PDE3B: variants seen among roughly 807,000 people sequenced by gnomAD.
The protein encoded by PDE3B is cGMP-inhibited 3',5'-cyclic phosphodiesterase 3B.
A neutral mutation model predicts 116.8 loss-of-function variants in PDE3B; 66 were observed. The observed-to-expected ratio is 0.56, with a 90% CI of 0.46 to 0.69. The LOEUF is 0.69. Ranked by LOEUF, PDE3B falls within the 30% of genes least tolerant of loss-of-function variation. The pLI, the probability that PDE3B is intolerant of heterozygous loss-of-function variation, is 0.00. For synonymous variants in PDE3B, 595 were observed against 533.6 expected (o/e 1.12, Z -1.59); for missense variants, 1,384 against 1,368.1 (o/e 1.01, Z -0.18).
intron 15 of PDE3B, among the ~76,000 whole-genome samples, chr11:14,868,271 A>C (rs1555008429): frequency 1.3e-5 from 2 of 152,202 alleles, no homozygotes; most frequent in African/African-American, 4.8e-5. Context: ...GGCCATCACC[A>C]CATCTGAACA....
At chr11:14,880,762 A>G in the PDE3B span, 4 of 1,606,636 alleles carry the variant, frequency 2.5e-6, no homozygotes, top group Admixed American at 6.9e-5. Context: ...TCTGGAATTG[A>G]GTAAGCCTGA....
intron 1 of PDE3B, among the ~76,000 whole-genome samples, chr11:14,653,816 T>C (rs1439688076): frequency 2.0e-5 from 3 of 152,008 alleles, no homozygotes; most frequent in African/African-American, 7.3e-5. Context: ...CTGGGCAACA[T>C]GGCAAAACCC....
chr11:14,794,238 G>A (rs1223736543), intron 4 of PDE3B, among the ~76,000 whole-genome samples: 2 of 152,016 alleles, frequency 1.3e-5, no homozygotes, highest in African/African-American at 2.4e-5. Context: ...GCAAGCAAGC[G>A]AGCAAGCAAG....
At chr11:14,826,611 G>A (rs565578532) in intron 7 of PDE3B, among the ~76,000 whole-genome samples, 4 of 151,930 alleles carry the variant, frequency 2.6e-5, no homozygotes, top group South Asian at 2.1e-4. Flanking sequence ...GCTCCAAAAC[G>A]GAATCTGTAA....
chr11:14,800,279 A>G (rs1858709829), intron 4 of PDE3B, among the ~76,000 whole-genome samples: 1 of 152,146 alleles, frequency 6.6e-6, no homozygotes, highest in Admixed American at 6.6e-5. Flanking sequence ...AGCCTGACCA[A>G]CGTGGTGAAA....
the PDE3B span, among the ~76,000 whole-genome samples, chr11:14,883,445 A>G: frequency 7.2e-5 from 11 of 152,332 alleles, no homozygotes; most frequent in East Asian, 2.1e-3. Context: ...AAGATTCCCT[A>G]TTTAATAAAT....
At chr11:14,804,803 G>A (rs1414966090) in intron 5 of PDE3B, among the ~76,000 whole-genome samples, 2 of 151,204 alleles carry the variant, frequency 1.3e-5, no homozygotes, top group Non-Finnish European at 3.0e-5. Flanking sequence ...CAAAATGAAT[G>A]GATACTTCGA....
At chr11:14,751,209 T>C (rs1438334597) in intron 1 of PDE3B, among the ~76,000 whole-genome samples, 1 of 152,192 alleles carries the variant, frequency 6.6e-6, no homozygotes, top group Non-Finnish European at 1.5e-5. Context: ...ATGTCATTTA[T>C]AGTAATATTT....
chr11:14,682,830 C>G (rs1402233225), intron 1 of PDE3B, among the ~76,000 whole-genome samples: 1 of 151,034 alleles, frequency 6.6e-6, no homozygotes, highest in Non-Finnish European at 1.5e-5. Context: ...AATGGTGACT[C>G]TCAAAACGAA....
Position 14,644,685 on chromosome 11 carries a change from GTAGGGCTGC to G in PDE3B, c.612_620del (p.Gly205_Leu207del). 1 of 1,512,794 alleles carries G rather than the reference GTAGGGCTGC, an allele frequency of 6.6e-7. No homozygotes were observed. The highest frequency in any genetic ancestry group is 8.8e-7 in the Non-Finnish European group (1 of 1,133,238). The allele number at this position is 1,512,794 out of a possible 1,614,324, so 93.7% of individuals were successfully genotyped here. On this transcript the variant is annotated inframe_deletion, in exon 1 of 16. Transcript: ENST00000282096. ...CAGGTTGCTGCTGGTGCTGAGCTGC[GTAGGGCTGC>G]TGCTGACGCTCGCGCACCCGCTGCG...
intron 12 of PDE3B, among the ~76,000 whole-genome samples, chr11:14,847,605 A>T (rs961655092): frequency 6.6e-6 from 1 of 152,092 alleles, no homozygotes; most frequent in African/African-American, 2.4e-5. Context: ...AAGACTAATA[A>T]AGAAAAGAGA....
At chr11:14,794,319 CT>C (rs11333119) in intron 4 of PDE3B, among the ~76,000 whole-genome samples, 87,865 of 136,276 alleles carry the variant, frequency 0.64, 27,909 homozygotes, top group African/African-American at 0.75. Flanking sequence ...TTTTTCTTTT[CT>C]TTTTTTTTTT....
intron 1 of PDE3B, among the ~76,000 whole-genome samples, chr11:14,660,135 G>A (rs993352024): frequency 6.6e-6 from 1 of 152,148 alleles, no homozygotes; most frequent in Non-Finnish European, 1.5e-5. Flanking sequence ...GTAACCCTAA[G>A]AGCCATTCTG....
intron 5 of PDE3B, among the ~76,000 whole-genome samples, chr11:14,811,189 A>G (rs1859115696): frequency 6.6e-6 from 1 of 151,696 alleles, no homozygotes; most frequent in African/African-American, 2.4e-5. Context: ...CCCATTTGTC[A>G]ATTTTGGCTT....
intron 2 of PDE3B, among the ~76,000 whole-genome samples, chr11:14,778,454 CT>C (rs1213648029): frequency 1.3e-5 from 2 of 152,172 alleles, no homozygotes; most frequent in African/African-American, 2.4e-5. Context: ...CCGGGCGCCC[CT>C]CTGAGACGAA....
chr11:14,789,004 A>T, intron 3 of PDE3B, 102 bp from the exon 4 acceptor site: 2 of 793,056 alleles, frequency 2.5e-6, no homozygotes, highest in Non-Finnish European at 3.8e-6. Context: ...TGTACATGTT[A>T]AAAATATACT....
chr11:14,831,943 A>C (rs1311496752), intron 9 of PDE3B, among the ~76,000 whole-genome samples, 166 bp downstream of exon 9: 1 of 152,088 alleles, frequency 6.6e-6, no homozygotes, highest in Non-Finnish European at 1.5e-5. Flanking sequence ...TATATATAAG[A>C]TGTAGATCAT....
chr11:14,812,051 A>G (rs113700695), intron 5 of PDE3B, among the ~76,000 whole-genome samples: 65 of 152,126 alleles, frequency 4.3e-4, no homozygotes, highest in East Asian at 1.4e-3. Flanking sequence ...GCTTTTTTTT[A>G]TAGCAAGTTG....
At chr11:14,748,129 C>T (rs1856963650) in intron 1 of PDE3B, among the ~76,000 whole-genome samples, 1 of 152,164 alleles carries the variant, frequency 6.6e-6, no homozygotes, top group Non-Finnish European at 1.5e-5. Context: ...AATGGTTTAA[C>T]ATAGGCATAG....
Sources: gnomAD v4.1 joint callset for allele counts (sites outside exome capture counted in the v4.1 genomes callset) on GRCh38, gnomAD v4.1.1 for gene constraint, MANE v1.5 for transcripts, NCBI Gene and HGNC (gene_info 2026-07-23, HGNC 2026-07-21) for gene names.